The following RGS7 variants were observed in gnomAD, a reference collection of about 807,000 sequenced individuals.
RGS7 encodes the protein regulator of G-protein signaling 7.
In RGS7, 27 loss-of-function variants were observed where a neutral mutation model predicts 81.1. That is an observed-to-expected ratio of 0.33 (90% confidence interval 0.25 to 0.46). The LOEUF is 0.46. RGS7 is among the 20% of genes least tolerant of loss of function. RGS7 has a pLI of 1.00. For synonymous variants in RGS7, 208 were observed against 207.7 expected, an observed-to-expected ratio of 1.00 and a Z score of -0.01; for missense variants, 396 against 607.4, an observed-to-expected ratio of 0.65 and a Z score of 3.66.
At chr1:240,994,189 T>G (rs1378837261) in intron 3 of RGS7, among the ~76,000 whole-genome samples, 2 of 152,366 alleles carry the variant, frequency 1.3e-5, no homozygotes, top group East Asian at 3.9e-4. Context: ...CCTATAAATC[T>G]TAGAATTATC....
intron 6 of RGS7, among the ~76,000 whole-genome samples, chr1:240,926,811 T>C (rs1311148463): frequency 6.6e-6 from 1 of 152,184 alleles, no homozygotes; most frequent in African/African-American, 2.4e-5. Flanking sequence ...AGAAATCTTA[T>C]CCAACTTGAT....
intron 2 of RGS7, among the ~76,000 whole-genome samples, chr1:241,213,692 C>T (rs560203480): frequency 5.0e-4 from 76 of 152,242 alleles, no homozygotes; most frequent in African/African-American, 1.6e-3. Context: ...TTTACTTCTA[C>T]CTAGATTATA....
In RGS7 at chr1:241,077,741, C is replaced by T. The variant is rs1234684726; in HGVS notation, c.175+20925G>A. On this transcript the variant is annotated intron_variant, in intron 3 of 18. Transcript: ENST00000440928. ...TGCTCTCTGCTAAATAAGCATGCCA[C>T]TTGTTCACTGGGTAAAGTGAAAAAG... is the stretch of plus-strand genomic sequence containing the variant. 2.0e-5 allele frequency among the ~76,000 whole-genome samples: 3 copies of T among 152,192 alleles called. No homozygotes were observed. In the East Asian group the frequency reaches 5.8e-4, roughly 29 times the overall value.
intron 2 of RGS7, among the ~76,000 whole-genome samples, chr1:241,299,475 T>C (rs1450385626): frequency 6.6e-6 from 1 of 152,098 alleles, no homozygotes; most frequent in African/African-American, 2.4e-5. Context: ...TTCAAAAGAC[T>C]TTCTTAGCAA....
At chr1:240,916,323 T>G (rs189457658) in intron 6 of RGS7, among the ~76,000 whole-genome samples, 1 of 148,388 alleles carries the variant, frequency 6.7e-6, no homozygotes, top group East Asian at 2.0e-4. Context: ...CAGAACAGAA[T>G]GTCTAAAAAC....
rs535384926 is a variant in RGS7 at position 241,172,081 on chromosome 1, G to C, written c.79-73319C>G. On this transcript the variant is annotated intron_variant, in intron 2 of 18. Coordinates refer to ENST00000440928, the MANE Select transcript of RGS7 (RefSeq NM_001364886.1). ...AAGTGAGCTGATTATGCTCAGACAAGTCCTTAGCAACATAGCATTTCTCTG... is the reference window on the plus strand; with the variant it reads ...AAGTGAGCTGATTATGCTCAGACAACTCCTTAGCAACATAGCATTTCTCTG... Among the ~76,000 whole-genome samples the C allele has an allele frequency of 4.6e-5, 7 of 152,332 alleles. No homozygotes were observed. In the East Asian group the frequency reaches 1.2e-3, roughly 25 times the overall value.
At chr1:241,136,387 A>C (rs1224520291) in intron 2 of RGS7, among the ~76,000 whole-genome samples, 1 of 152,144 alleles carries the variant, frequency 6.6e-6, no homozygotes, top group African/African-American at 2.4e-5. Context: ...ACAAGGAATC[A>C]CAGTGGAGAC....
chr1:240,913,508 G>T (rs537653845), intron 6 of RGS7, among the ~76,000 whole-genome samples: 1 of 152,262 alleles, frequency 6.6e-6, no homozygotes, highest in East Asian at 1.9e-4. Context: ...AAATGTTTTA[G>T]TTCCTTTTAA....
At chr1:241,251,115 A>G (rs1377416812) in intron 2 of RGS7, among the ~76,000 whole-genome samples, 1 of 152,224 alleles carries the variant, frequency 6.6e-6, no homozygotes, top group Non-Finnish European at 1.5e-5. Flanking sequence ...AAGTATCTAC[A>G]CACTTTTAAA....
intron 9 of RGS7, among the ~76,000 whole-genome samples, chr1:240,865,318 T>C (rs978176877): frequency 4.6e-5 from 7 of 152,178 alleles, no homozygotes; most frequent in Non-Finnish European, 1.0e-4. Flanking sequence ...GTGTACACAA[T>C]AGGACAGTCT....
rs1454771720 is a variant in RGS7, at chr1:241,020,789, A to G, written c.176-37660T>C. Among the ~76,000 whole-genome samples, 3 of 152,204 alleles carry G rather than the reference A, an allele frequency of 2.0e-5. No homozygotes were observed. In the East Asian group the frequency reaches 5.8e-4, roughly 29 times the overall value. ...GAGTAGTGTTTTAATTTCTTTGTCC[A>G]ATAGAATAGATTCCACAATACAACC... On this transcript the variant is annotated intron_variant, in intron 3 of 18. Transcript: ENST00000440928.
intron 3 of RGS7, among the ~76,000 whole-genome samples, chr1:241,028,126 G>A (rs2059884810): frequency 6.6e-6 from 1 of 152,218 alleles, no homozygotes; most frequent in African/African-American, 2.4e-5. Context: ...CAAGAAGCCA[G>A]TGATGTTCAC....
chr1:241,350,152 A>G (rs1332250080), intron 2 of RGS7, among the ~76,000 whole-genome samples: 2 of 152,138 alleles, frequency 1.3e-5, no homozygotes, highest in African/African-American at 4.8e-5. Flanking sequence ...CCTGCTCTAA[A>G]CTCAATTATT....
rs113797078 is a variant in RGS7 at position 241,347,707 on chromosome 1, T to C, written c.78+7992A>G. Among the ~76,000 whole-genome samples, 648 of 152,298 alleles carry C rather than the reference T, an allele frequency of 4.3e-3. 1 individual carries two copies. The highest frequency in any genetic ancestry group is 6.6e-3 in the Non-Finnish European group (451 of 68,014). On this transcript the variant is annotated intron_variant, in intron 2 of 18. Transcript: ENST00000440928. ...GTACATTCATGGTACATGCAGGCCTTTGTCTTACTGAAAGACAACCTATGT... is the reference window on the plus strand; with the variant it reads ...GTACATTCATGGTACATGCAGGCCTCTGTCTTACTGAAAGACAACCTATGT...
At chr1:241,100,324 G>A (rs543396542) in intron 2 of RGS7, among the ~76,000 whole-genome samples, 19 of 142,578 alleles carry the variant, frequency 1.3e-4, no homozygotes, top group South Asian at 6.5e-4. Flanking sequence ...GCAGTGAGCC[G>A]AGATGGCGCC....
At chr1:240,822,472 C>CACAAAATAATAA (rs1445773114) in intron 10 of RGS7, among the ~76,000 whole-genome samples, 15 of 152,246 alleles carry the variant, frequency 9.9e-5, no homozygotes, top group African/African-American at 3.6e-4. Context: ...CTTCACGTTT[C>CACAAAATAATAA]TAATAATAAT....
At chr1:240,798,170 A>G (rs1318592961) in intron 18 of RGS7, among the ~76,000 whole-genome samples, 2 of 152,198 alleles carry the variant, frequency 1.3e-5, no homozygotes, top group East Asian at 1.9e-4. Context: ...AACAATGACC[A>G]AAACAACAAC....
chr1:240,989,648 G>A (rs949642657), intron 3 of RGS7, among the ~76,000 whole-genome samples: 1 of 151,972 alleles, frequency 6.6e-6, no homozygotes, highest in Non-Finnish European at 1.5e-5. Context: ...TGACTTGTTC[G>A]ACTATAGGCG....
intron 2 of RGS7, among the ~76,000 whole-genome samples, chr1:241,187,507 G>A (rs1461143527): frequency 6.6e-6 from 1 of 152,084 alleles, no homozygotes; most frequent in East Asian, 1.9e-4. Flanking sequence ...GAGGAAAGAA[G>A]GCTCCTTAAA....
Sources: allele counts gnomAD v4.1 joint callset (sites outside exome capture counted in the v4.1 genomes callset), GRCh38; gene constraint gnomAD v4.1.1; transcripts MANE v1.5; gene names NCBI Gene and HGNC (gene_info 2026-07-23, HGNC 2026-07-21).